The following STK10 variants were observed in gnomAD, a reference collection of about 807,000 sequenced individuals.
The protein encoded by STK10 is serine/threonine-protein kinase 10.
STK10 carries 78 observed loss-of-function variants against 113.8 expected under a neutral mutation model. The ratio of observed to expected loss-of-function variants is 0.69; its 90% CI spans 0.57 to 0.83. The LOEUF (loss-of-function observed/expected upper bound fraction) is 0.83. Ranked by LOEUF, STK10 falls within the 40% of genes least tolerant of loss-of-function variation. The pLI is 0.00. For synonymous variants in STK10, 465 were observed against 494.7 expected, an observed-to-expected ratio of 0.94 and a Z score of 0.80; for missense variants, 1,109 against 1,280.1, an observed-to-expected ratio of 0.87 and a Z score of 2.04.
In STK10 at chr5:172,176,302, T is replaced by C. The variant is rs566752274; in HGVS notation, c.156+11585A>G. The stretch of plus-strand genomic sequence containing the variant: ...CGCAGCAGACACAAGCTTGCCTTCC[T>C]GTCTCATCCTCTCTGCTCTCTTTCC... On this transcript the variant is annotated intron_variant, in intron 1 of 18. Coordinates refer to ENST00000176763, the MANE Select transcript of STK10 (RefSeq NM_005990.4). Among the ~76,000 whole-genome samples the C allele has an allele frequency of 3.3e-5, 5 of 152,338 alleles. No individual in the cohort carries two copies. In the South Asian group the frequency reaches 6.2e-4, roughly 19 times the overall value.
chr5:172,123,979 T>C (rs187883292), intron 3 of STK10, among the ~76,000 whole-genome samples: 140 of 152,250 alleles, frequency 9.2e-4, no homozygotes, highest in African/African-American at 3.1e-3. Context: ...CTGGGCTGAG[T>C]GCACTGGCAT....
chr5:172,177,438 C>T (rs1042714295), intron 1 of STK10, among the ~76,000 whole-genome samples: 8 of 152,336 alleles, frequency 5.3e-5, no homozygotes, highest in Middle Eastern at 6.8e-3. Flanking sequence ...CTGGCCTGGC[C>T]CTGGCCCATG....
chr5:172,127,239 T>C (rs1769640588), intron 3 of STK10, 134 bp downstream of exon 3: 1 of 876,224 alleles, frequency 1.1e-6, no homozygotes, highest in East Asian at 2.7e-5. Flanking sequence ...AGAGAGGTGC[T>C]CAAAGAGGCC....
At chr5:172,112,323 A>C (rs1436224013) in intron 4 of STK10, among the ~76,000 whole-genome samples, 1 of 152,094 alleles carries the variant, frequency 6.6e-6, no homozygotes, top group Non-Finnish European at 1.5e-5. Context: ...ATACACACAC[A>C]CACACACCGG....
At chr5:172,177,691 T>C (rs61483230) in intron 1 of STK10, among the ~76,000 whole-genome samples, 11,229 of 152,328 alleles carry the variant, frequency 0.074, 1,343 homozygotes, top group African/African-American at 0.25. Flanking sequence ...AATATACCAT[T>C]AAAATTCATT....
At chr5:172,139,009 G>A (rs13167747) in intron 2 of STK10, among the ~76,000 whole-genome samples, 28,751 of 152,012 alleles carry the variant, frequency 0.19, 2,951 homozygotes, top group Non-Finnish European at 0.24. Context: ...GCGAGACTCC[G>A]TCTCAAAATA....
intron 12 of STK10, among the ~76,000 whole-genome samples, chr5:172,076,524 A>ATTTGTTGTGGGGGCGTCCTGTGCATTC (rs1768312040): frequency 6.7e-6 from 1 of 149,694 alleles, no homozygotes; most frequent in Non-Finnish European, 1.5e-5. Context: ...CCTGTGCATT[A>ATTTGTTGTGGGGGCGTCCTGTGCATTC]TAGGAAGTTA....
rs573540824 is a variant in STK10 at position 172,091,611 on chromosome 5, AC to A, written c.1555-1250del. The stretch of plus-strand genomic sequence containing the variant: ...AGTGGCGCAGTCTCAGCTCACCACA[AC>A]CTCTGCCTCCCGGATTCAAGTGATT... On this transcript the variant is annotated intron_variant, in intron 9 of 18. Coordinates refer to ENST00000176763, the MANE Select transcript of STK10 (RefSeq NM_005990.4). 2.4e-4 allele frequency among the ~76,000 whole-genome samples: 36 copies of A among 148,502 alleles called. No homozygotes were observed. In the South Asian group the frequency reaches 7.5e-3, roughly 31 times the overall value.
chr5:172,054,696 T>C lies in STK10; in HGVS notation c.2527-2A>G. ...CCTCTTCTCCTCCTGCTGGGAGAAC[T>C]GCACCAGAGAGAGGGTGGGTGCCTC... On this transcript the variant is annotated splice_acceptor_variant, in intron 16 of 18. Coordinates refer to ENST00000176763, the MANE Select transcript of STK10 (RefSeq NM_005990.4). LOFTEE classifies it high-confidence loss of function. The C allele has an allele frequency of 6.2e-7, 1 of 1,608,744 alleles. No homozygotes were observed. Among genetic ancestry groups the C allele is most frequent in the Non-Finnish European group, 8.5e-7 (1 of 1,179,960 alleles).
intron 2 of STK10, among the ~76,000 whole-genome samples, chr5:172,144,691 T>A (rs928789832): frequency 6.6e-6 from 1 of 152,152 alleles, no homozygotes; most frequent in Non-Finnish European, 1.5e-5. Flanking sequence ...GAATTAGGAC[T>A]GCCCTTGAGC....
intron 2 of STK10, among the ~76,000 whole-genome samples, chr5:172,149,538 G>T (rs1770164908): frequency 7.2e-6 from 1 of 138,510 alleles, no homozygotes; most frequent in Non-Finnish European, 1.5e-5. Context: ...GTGTGTGTGT[G>T]TGTGTCCCAA....
intron 2 of STK10, among the ~76,000 whole-genome samples, chr5:172,140,018 T>C (rs915226213): frequency 4.8e-5 from 7 of 146,356 alleles, no homozygotes; most frequent in African/African-American, 1.8e-4. Flanking sequence ...TGGGGAGAAA[T>C]ATTTGCAAAC....
intron 12 of STK10, among the ~76,000 whole-genome samples, chr5:172,074,970 A>G (rs1561796517): frequency 6.6e-6 from 1 of 151,696 alleles, no homozygotes; most frequent in Non-Finnish European, 1.5e-5. Flanking sequence ...AAGTAAGCTG[A>G]GATTGCACCA....
chr5:172,176,371 A>T (rs1415842826), intron 1 of STK10, among the ~76,000 whole-genome samples: 1 of 151,980 alleles, frequency 6.6e-6, no homozygotes, highest in African/African-American at 2.4e-5. Context: ...CCTGTCTCAC[A>T]AACATCTTCT....
chr5:172,151,925 T>A (rs925395595), intron 2 of STK10, among the ~76,000 whole-genome samples: 1 of 152,258 alleles, frequency 6.6e-6, no homozygotes, highest in Non-Finnish European at 1.5e-5. Context: ...GACTCCTGCC[T>A]CAGGGCCTGT....
At chr5:172,111,267 C>A (rs930920296) in intron 4 of STK10, among the ~76,000 whole-genome samples, 8 of 152,156 alleles carry the variant, frequency 5.3e-5, no homozygotes, top group African/African-American at 1.9e-4. Context: ...TCCCAGGAAA[C>A]CTTTTGGGAA....
intron 4 of STK10, among the ~76,000 whole-genome samples, chr5:172,109,860 G>A (rs1025136865): frequency 6.6e-5 from 10 of 152,226 alleles, no homozygotes; most frequent in African/African-American, 1.7e-4. Context: ...GCCTTTGGAC[G>A]ATTCATCCCA....
intron 18 of STK10, among the ~76,000 whole-genome samples, chr5:172,050,564 ACT>A (rs1767606061): frequency 6.6e-6 from 1 of 152,004 alleles, no homozygotes; most frequent in Non-Finnish European, 1.5e-5. Flanking sequence ...TTTAGCAAAC[ACT>A]CTCTTGAAAA....
At chr5:172,121,389 G>T (rs1429667600) in intron 3 of STK10, among the ~76,000 whole-genome samples, 1 of 152,042 alleles carries the variant, frequency 6.6e-6, no homozygotes, top group Non-Finnish European at 1.5e-5. Context: ...TGTTGCTCAG[G>T]CTGGAGGGCA....
Sources: gnomAD v4.1 joint callset for allele counts (sites outside exome capture counted in the v4.1 genomes callset) on GRCh38, gnomAD v4.1.1 for gene constraint, MANE v1.5 for transcripts, NCBI Gene and HGNC (gene_info 2026-07-23, HGNC 2026-07-21) for gene names.